The following ACTL6B variants were observed in gnomAD, a reference collection of about 807,000 sequenced individuals.
The protein encoded by ACTL6B is actin like 6B, also known as actin-like protein 6B.
ACTL6B carries 48 observed loss-of-function variants against 63.3 expected under a neutral mutation model. That is an observed-to-expected ratio of 0.76 (90% CI 0.60 to 0.96). ACTL6B has a LOEUF of 0.96. ACTL6B is among the 50% of genes least tolerant of loss of function. The probability of loss-of-function intolerance (pLI) is 0.00; values close to 1 mark genes in which losing one functional copy is unlikely to be tolerated. For missense variants in ACTL6B, 350 were observed against 572.2 expected, an observed-to-expected ratio of 0.61 and a Z score of 3.96; for synonymous variants, 230 against 223.8, an observed-to-expected ratio of 1.03 and a Z score of -0.25.
Position 100,646,197 on chromosome 7 carries a change from G to A in ACTL6B, c.1200+52C>T, listed in dbSNP as rs896282855. ...CAGTCAAAGTGGCGGGCACTGTCTG[G>A]GTCTCCCCTCTCCCCCACAGTCAGT... On this transcript the variant is annotated intron_variant, in intron 13 of 13. Transcript: ENST00000160382. The surrounding 1 kb of genome is among the most constrained non-coding windows in gnomAD (Gnocchi z 6.1). 3 of 1,481,570 alleles carry A rather than the reference G, an allele frequency of 2.0e-6. No individual in the cohort carries two copies. In the South Asian group the frequency reaches 3.6e-5, roughly 18 times the overall value. The allele number at this position is 1,481,570 out of a possible 1,614,324, so 91.8% of individuals were successfully genotyped here.
chr7:100,655,487 C>T lies in ACTL6B; in HGVS notation c.202G>A (p.Asp68Asn). The change falls in exon 3 of 14, where the codon GAC (aspartate) becomes AAC (asparagine). Residue 68 changes from aspartate (D) to asparagine (N), a missense_variant. Transcript: ENST00000160382. The surrounding 1 kb of genome is among the most constrained non-coding windows in gnomAD (Gnocchi z 4.4). The stretch of plus-strand genomic sequence containing the variant: ...CGAGGCACGTGCAGGGCATTGGTGT[C>T]GATGTGGAAGATCTTCCCTTTCTTC... ...KEKKGKIFHIDTNALHVPRDG... is the reference protein window; with the variant it reads ...KEKKGKIFHINTNALHVPRDG... 1.2e-6 allele frequency: 2 copies of T among 1,614,120 alleles called. No homozygotes were observed. Among genetic ancestry groups the T allele is most frequent in the Non-Finnish European group, 1.7e-6 (2 of 1,180,024 alleles).
rs779696936 is a variant in ACTL6B, at chr7:100,655,628, T to G, written c.103-42A>C. On this transcript the variant is annotated intron_variant, in intron 2 of 13. Coordinates refer to ENST00000160382, the MANE Select transcript of ACTL6B (RefSeq NM_016188.5). This position sits in a 1 kb window ranked among gnomAD's most constrained non-coding sequence, Gnocchi z 4.4. Reference sequence around the variant, plus strand: ...GGGGGAGTATTGGCAGGGAGAGAGGTCACCCTCTTGCCCCTGTCCAGCCCC... The same window carrying G: ...GGGGGAGTATTGGCAGGGAGAGAGGGCACCCTCTTGCCCCTGTCCAGCCCC... The G allele has an allele frequency of 6.3e-7, 1 of 1,587,856 alleles. No homozygotes were observed. Among genetic ancestry groups the G allele is most frequent in the Admixed American group, 1.7e-5 (1 of 58,062 alleles).
At position 100,643,266 on chromosome 7, in the gene ACTL6B, C is replaced by A. The variant is rs377432568; in HGVS notation, c.1261G>T (p.Val421Leu). The change falls in exon 14 of 14, where the codon GTG (valine) becomes TTG (leucine). Residue 421 changes from valine (V) to leucine (L), a missense_variant. This residue lies in a region of ACTL6B where 76 missense variants were observed against 126.1 expected (regional missense o/e 0.60). Coordinates refer to ENST00000160382, the MANE Select transcript of ACTL6B (RefSeq NM_016188.5). Reference protein sequence around the residue: ...QEYEEGGKQCVERKCP With the variant: ...QEYEEGGKQCLERKCP ...TGCCATCAGGGGCACTTTCGCTCCA[C>A]GCACTGCTTCCCGCCCTCCTCATAT... is the stretch of plus-strand genomic sequence containing the variant. 1 of 1,613,970 alleles carries A rather than the reference C, an allele frequency of 6.2e-7. No homozygotes were observed. The highest frequency in any genetic ancestry group is 8.5e-7 in the Non-Finnish European group (1 of 1,180,006).
At chr7:100,650,338 ACACT>A (rs1192119007) in intron 4 of ACTL6B, among the ~76,000 whole-genome samples, 1 of 151,566 alleles carries the variant, frequency 6.6e-6, no homozygotes, top group Non-Finnish European at 1.5e-5. Flanking sequence ...ACACACACAT[ACACT>A]CAAACACACA....
chr7:100,650,228 C>T, intron 4 of ACTL6B, 93 bp from the exon 5 acceptor site: 1 of 963,086 alleles, frequency 1.0e-6, no homozygotes, highest in Non-Finnish European at 1.6e-6. Context: ...CACATACACT[C>T]ACGGTCACAC....
Position 100,646,210 on chromosome 7 carries a change from C to A in ACTL6B, c.1200+39G>T. On this transcript the variant is annotated intron_variant, in intron 13 of 13. Transcript: ENST00000160382. The surrounding 1 kb of genome is among the most constrained non-coding windows in gnomAD (Gnocchi z 6.1). Reference sequence around the variant, plus strand: ...GGGCACTGTCTGGGTCTCCCCTCTCCCCCACAGTCAGTGCTAGGCCAGGTC... The same window carrying A: ...GGGCACTGTCTGGGTCTCCCCTCTCACCCACAGTCAGTGCTAGGCCAGGTC... 6.4e-7 allele frequency: 1 copy of A among 1,569,878 alleles called. No individual in the cohort carries two copies.
chr7:100,643,404 C>T, intron 13 of ACTL6B, 78 bp from the exon 14 acceptor site: 1 of 1,485,714 alleles, frequency 6.7e-7, no homozygotes, highest in Non-Finnish European at 9.3e-7. Context: ...CCCTGGGAAT[C>T]CTCCAACAGG....
At position 100,654,623 on chromosome 7, in the gene ACTL6B, A is replaced by G. The variant is rs1001048655; in HGVS notation, c.369+396T>C. Among the ~76,000 whole-genome samples, 8 of 151,892 alleles carry G rather than the reference A, an allele frequency of 5.3e-5. No homozygotes were observed. In the South Asian group the frequency reaches 1.7e-3, roughly 32 times the overall value. ...AGGCGAAACCCCCTGTCTACTAAAA[A>G]TACAAAAAATTAGCCAGGCGTGGTG... On this transcript the variant is annotated intron_variant, in intron 4 of 13. Transcript: ENST00000160382.
Position 100,648,306 on chromosome 7 carries a change from T to C in ACTL6B, c.669+250A>G. On this transcript the variant is annotated intron_variant, in intron 7 of 13. Coordinates refer to ENST00000160382, the MANE Select transcript of ACTL6B (RefSeq NM_016188.5). This position sits in a 1 kb window ranked among gnomAD's most constrained non-coding sequence, Gnocchi z 4.4. ...GAGGCAGAACTTGAACCTGGGTCTA[T>C]ATTGGACCCTAGAACCCACCACACT... 8.1e-6 allele frequency: 3 copies of C among 370,388 alleles called. No homozygotes were observed. Among genetic ancestry groups the C allele is most frequent in the Non-Finnish European group, 1.5e-5 (3 of 204,112 alleles). The allele number at this position is 370,388 out of a possible 1,614,324, so 22.9% of individuals were successfully genotyped here.
rs1442971746 is a variant in ACTL6B at position 100,654,728 on chromosome 7, C to CA, written c.369+290dup. On this transcript the variant is annotated intron_variant, in intron 4 of 13. Coordinates refer to ENST00000160382, the MANE Select transcript of ACTL6B (RefSeq NM_016188.5). ...TGTCGGGAGGCAGAGGCTGAGATCT[C>CA]ACCATTGCACTCCAGCCTGGGTGAC... Among the ~76,000 whole-genome samples the CA allele has an allele frequency of 7.3e-5, 11 of 151,176 alleles. 1 individual carries two copies. In the South Asian group the frequency reaches 2.3e-3, roughly 32 times the overall value.
In ACTL6B at chr7:100,646,908, C is replaced by A; in HGVS notation, c.936+63G>T. 1 of 1,602,566 alleles carries A rather than the reference C, an allele frequency of 6.2e-7. No homozygotes were observed. The highest frequency in any genetic ancestry group is 8.5e-7 in the Non-Finnish European group (1 of 1,171,568). ...CCCCTGCAATCCTTCCCAGCCTCCC[C>A]CACGCCCCAGGATCCAGGGACTGCA... On this transcript the variant is annotated intron_variant, in intron 10 of 13. Coordinates refer to ENST00000160382, the MANE Select transcript of ACTL6B (RefSeq NM_016188.5). This position sits in a 1 kb window ranked among gnomAD's most constrained non-coding sequence, Gnocchi z 6.1.
At chr7:100,643,838 A>G (rs1046219823) in intron 13 of ACTL6B, among the ~76,000 whole-genome samples, 2 of 152,174 alleles carry the variant, frequency 1.3e-5, no homozygotes, top group Admixed American at 1.3e-4. Flanking sequence ...GGTTCCTGCA[A>G]TGAGCATCTC....
chr7:100,646,878 C>G lies in ACTL6B; in HGVS notation c.937-47G>C. The G allele has an allele frequency of 6.2e-7, 1 of 1,602,942 alleles. No homozygotes were observed. Among genetic ancestry groups the G allele is most frequent in the Non-Finnish European group, 8.5e-7 (1 of 1,173,910 alleles). On this transcript the variant is annotated intron_variant, in intron 10 of 13. Transcript: ENST00000160382. This position sits in a 1 kb window ranked among gnomAD's most constrained non-coding sequence, Gnocchi z 6.1. Reference sequence around the variant, plus strand: ...GCTGTGGGCTCTCTCCCCCTTCCCCCCAGACCCCTGCAATCCTTCCCAGCC... The same window carrying G: ...GCTGTGGGCTCTCTCCCCCTTCCCCGCAGACCCCTGCAATCCTTCCCAGCC...
chr7:100,646,741 C>T lies in ACTL6B; in HGVS notation c.1017+10G>A, dbSNP rs776272770. 6.8e-6 allele frequency: 11 copies of T among 1,613,556 alleles called. No individual in the cohort carries two copies. The African/African-American group carries it at 1.2e-4, about 18-fold the overall frequency. ...CCCTTTGCCGAGCCTCAGCTCCGGC[C>T]TGGCCTCACCGGGCGAATATCAATG... On this transcript the variant is annotated intron_variant, in intron 11 of 13. Transcript: ENST00000160382. This position sits in a 1 kb window ranked among gnomAD's most constrained non-coding sequence, Gnocchi z 6.1.
Position 100,647,698 on chromosome 7 carries a change from G to C in ACTL6B, c.670-165C>G. 1.7e-6 allele frequency: 1 copy of C among 586,522 alleles called. No individual in the cohort carries two copies. The highest frequency in any genetic ancestry group is 3.0e-6 in the Non-Finnish European group (1 of 331,218). The allele number at this position is 586,522 out of a possible 1,614,324, so 36.3% of individuals were successfully genotyped here. A position where few individuals can be genotyped will look rare whatever the true frequency, so the allele number is the denominator to read the frequency against. ...TCCCTGATGGAGAGGAGAGAGAATG[G>C]GGCATGCCTCTCTCTCCATGTGTGC... On this transcript the variant is annotated intron_variant, in intron 7 of 13. Coordinates refer to ENST00000160382, the MANE Select transcript of ACTL6B (RefSeq NM_016188.5). This position sits in a 1 kb window ranked among gnomAD's most constrained non-coding sequence, Gnocchi z 4.4.
chr7:100,650,690 G>A (rs1035324812), intron 4 of ACTL6B, among the ~76,000 whole-genome samples: 4 of 151,846 alleles, frequency 2.6e-5, no homozygotes, highest in African/African-American at 9.7e-5. Context: ...AAAATTTAAA[G>A]TAAGGAGCTT....
rs1196101871 is a variant in ACTL6B, at chr7:100,647,865, A to G, written c.670-332T>C. The G allele has an allele frequency of 7.2e-6, 2 of 278,926 alleles. No individual in the cohort carries two copies. The highest frequency in any genetic ancestry group is 6.6e-5 in the East Asian group (1 of 15,204). 17.3% of individuals were successfully genotyped at this position (278,926 alleles called of 1,614,324 possible). ...AAGCACACAGTGTCACTTCATACTCACAGCACCCTGGCTACTGCCTACTGC... is the reference window on the plus strand; with the variant it reads ...AAGCACACAGTGTCACTTCATACTCGCAGCACCCTGGCTACTGCCTACTGC... On this transcript the variant is annotated intron_variant, in intron 7 of 13. Transcript: ENST00000160382. The surrounding 1 kb of genome is among the most constrained non-coding windows in gnomAD (Gnocchi z 4.4).
rs988325348 is a variant in ACTL6B, at chr7:100,648,033, C to A, written c.670-500G>T. Among the ~76,000 whole-genome samples the A allele has an allele frequency of 6.6e-6, 1 of 150,722 alleles. No homozygotes were observed. The highest frequency in any genetic ancestry group is 1.5e-5 in the Non-Finnish European group (1 of 67,882). On this transcript the variant is annotated intron_variant, in intron 7 of 13. Transcript: ENST00000160382. The surrounding 1 kb of genome is among the most constrained non-coding windows in gnomAD (Gnocchi z 4.4). ...GGAGTGCAGTGGCGCGATCTCGGCT[C>A]ACTGCAACCTCTGCCTCCGGGGTTC...
In ACTL6B at chr7:100,648,997, C is replaced by CTTT. The variant is rs749138723; in HGVS notation, c.468-177_468-175dup. ...AAAGGCTCTGAGACCCCAGTTACTT[C>CTTT]TTTTTTTTTTTTTTTGAGATGGAGT... On this transcript the variant is annotated intron_variant, in intron 5 of 13. Coordinates refer to ENST00000160382, the MANE Select transcript of ACTL6B (RefSeq NM_016188.5). This position sits in a 1 kb window ranked among gnomAD's most constrained non-coding sequence, Gnocchi z 4.4. Among the ~76,000 whole-genome samples, 1 of 142,542 alleles carries CTTT rather than the reference C, an allele frequency of 7.0e-6. No individual in the cohort carries two copies. Among genetic ancestry groups the CTTT allele is most frequent in the African/African-American group, 2.6e-5 (1 of 39,012 alleles). 93.5% of individuals were successfully genotyped at this position (142,542 alleles called of 152,430 possible).
Sources: allele counts gnomAD v4.1 joint callset (sites outside exome capture counted in the v4.1 genomes callset), GRCh38; gene constraint gnomAD v4.1.1; regional missense constraint gnomAD v4.1.1; non-coding constraint Gnocchi (gnomAD v3.1); transcripts MANE v1.5; gene names NCBI Gene and HGNC (gene_info 2026-07-23, HGNC 2026-07-21).